Variants in ADAM22 observed in about 807,000 individuals in gnomAD.
The protein encoded by ADAM22 is disintegrin and metalloproteinase domain-containing protein 22.
In ADAM22, 65 loss-of-function variants were observed where a neutral mutation model predicts 144.6. That is an observed-to-expected ratio of 0.45 (90% confidence interval 0.37 to 0.55). The LOEUF is 0.55. Among genes scored for constraint, ADAM22 ranks in the 20% least tolerant of loss-of-function variants. The pLI, the probability that ADAM22 is intolerant of heterozygous loss-of-function variation, is 0.00. For synonymous variants in ADAM22, 391 were observed against 412.6 expected, an observed-to-expected ratio of 0.95 and a Z score of 0.63; for missense variants, 974 against 1,184.9, an observed-to-expected ratio of 0.82 and a Z score of 2.61.
intron 3 of ADAM22, among the ~76,000 whole-genome samples, chr7:88,064,666 A>T (rs1324134567): frequency 6.6e-6 from 1 of 152,178 alleles, no homozygotes; most frequent in Non-Finnish European, 1.5e-5. Context: ...CGTGGCAGAC[A>T]GGATAGAAGG....
rs114808979 is a variant in ADAM22 at position 88,190,835 on chromosome 7, A to G, written c.2751-2281A>G. Among the ~76,000 whole-genome samples the G allele has an allele frequency of 3.8e-3, 577 of 151,864 alleles. 4 individuals are homozygous for G. Among genetic ancestry groups the G allele is most frequent in the African/African-American group, 0.013 (559 of 41,414 alleles). ...TGGTGCTCTCCATCTTCCCAAAATA[A>G]TCACTTTTATGCTGTCACATACCAC... On this transcript the variant is annotated intron_variant, in intron 30 of 31. Coordinates refer to ENST00000413139, the MANE Select transcript of ADAM22 (RefSeq NM_001324418.2).
intron 3 of ADAM22, among the ~76,000 whole-genome samples, chr7:88,067,423 G>A (rs1051453052): frequency 6.7e-6 from 1 of 150,222 alleles, no homozygotes; most frequent in African/African-American, 2.5e-5. Flanking sequence ...CAGTCCCCGA[G>A]TACCTTGGCT....
chr7:88,186,446 C>T (rs1848333239), intron 29 of ADAM22, 169 bp from the exon 30 acceptor site: 1 of 643,150 alleles, frequency 1.6e-6, no homozygotes. Flanking sequence ...TGAGATTATT[C>T]TCATGTCATT....
intron 7 of ADAM22, among the ~76,000 whole-genome samples, chr7:88,121,754 G>C (rs187637766): frequency 3.4e-4 from 52 of 152,268 alleles, no homozygotes; most frequent in African/African-American, 1.1e-3. Context: ...GGAAGCCACA[G>C]TCTTTTTGTT....
At chr7:87,961,280 A>G (rs1315160226) in intron 2 of ADAM22, among the ~76,000 whole-genome samples, 2 of 152,196 alleles carry the variant, frequency 1.3e-5, no homozygotes, top group Non-Finnish European at 2.9e-5. Context: ...TCAAATATGA[A>G]TAACAAGATG....
At chr7:88,164,688 G>A (rs1039654510) in intron 23 of ADAM22, among the ~76,000 whole-genome samples, 2 of 152,042 alleles carry the variant, frequency 1.3e-5, no homozygotes, top group Non-Finnish European at 2.9e-5. Flanking sequence ...TTAAAGAATT[G>A]TGCGAAGAAG....
intron 4 of ADAM22, among the ~76,000 whole-genome samples, chr7:88,080,479 C>T (rs138114082): frequency 0.024 from 3,683 of 151,992 alleles, 157 homozygotes; most frequent in African/African-American, 0.084. Flanking sequence ...TAGCAGAAGG[C>T]AAGAAATAAC....
Position 88,075,766 on chromosome 7 carries a change from T to C in ADAM22, c.390+74T>C, listed in dbSNP as rs1320582934. The C allele has an allele frequency of 2.7e-6, 3 of 1,109,610 alleles. No individual in the cohort carries two copies. In the East Asian group the frequency reaches 7.5e-5, roughly 28 times the overall value. 68.7% of individuals were successfully genotyped at this position (1,109,610 alleles called of 1,614,324 possible). On this transcript the variant is annotated intron_variant, in intron 4 of 31. Transcript: ENST00000413139. ...ATACTACTGATTATTATTTTAATTTTCAATGATATTTCTAATGTACAGTTT... is the reference window on the plus strand; with the variant it reads ...ATACTACTGATTATTATTTTAATTTCCAATGATATTTCTAATGTACAGTTT...
intron 30 of ADAM22, among the ~76,000 whole-genome samples, chr7:88,192,173 G>T (rs1849759277): frequency 6.6e-6 from 1 of 152,190 alleles, no homozygotes; most frequent in Non-Finnish European, 1.5e-5. Flanking sequence ...TTGCTATAAG[G>T]TGGCAGTGTA....
intron 29 of ADAM22, chr7:88,186,207 G>T: frequency 4.6e-6 from 1 of 215,756 alleles, no homozygotes; most frequent in Non-Finnish European, 9.1e-6. Context: ...ATGCCAGATT[G>T]GAATTGCAGC....
chr7:88,163,287 A>G (rs1842184685), intron 23 of ADAM22, 107 bp downstream of exon 23: 1 of 934,666 alleles, frequency 1.1e-6, no homozygotes, highest in South Asian at 2.5e-5. Context: ...GATTTTTCAT[A>G]TTTCTAGTTG....
chr7:88,053,006 A>T (rs556834631), intron 3 of ADAM22, among the ~76,000 whole-genome samples: 1 of 152,182 alleles, frequency 6.6e-6, no homozygotes, highest in Non-Finnish European at 1.5e-5. Context: ...GGGTATAGGT[A>T]CAGAATTTTA....
intron 3 of ADAM22, among the ~76,000 whole-genome samples, chr7:87,991,699 A>C (rs1018348770): frequency 6.6e-5 from 10 of 152,180 alleles, no homozygotes; most frequent in African/African-American, 2.4e-4. Context: ...TTGAACCAAC[A>C]CACAAATCAG....
chr7:88,194,008 A>T (rs554151802), intron 31 of ADAM22, among the ~76,000 whole-genome samples: 1 of 152,326 alleles, frequency 6.6e-6, no homozygotes, highest in South Asian at 2.1e-4. Flanking sequence ...TTACCATTAT[A>T]TGTTAATATG....
chr7:87,961,788 T>C (rs1848046211), intron 2 of ADAM22, among the ~76,000 whole-genome samples: 1 of 152,058 alleles, frequency 6.6e-6, no homozygotes, highest in Non-Finnish European at 1.5e-5. Context: ...TAAGACAGAG[T>C]TTTGTTAGTG....
chr7:88,083,485 T>C (rs1440049567), intron 4 of ADAM22, among the ~76,000 whole-genome samples: 1 of 151,954 alleles, frequency 6.6e-6, no homozygotes, highest in Admixed American at 6.6e-5. Flanking sequence ...ACTTAAAGTA[T>C]ATAAAAAAAA....
Position 88,127,239 on chromosome 7 carries a change from C to T in ADAM22, c.679-1363C>T, listed in dbSNP as rs900383934. On this transcript the variant is annotated intron_variant, in intron 8 of 31. Transcript: ENST00000413139. ...TAGGACAATATTCTTTTGACATGTA[C>T]CCTGAAGTTCCTCATAAACATCTCA... 2.0e-5 allele frequency among the ~76,000 whole-genome samples: 3 copies of T among 151,818 alleles called. No individual in the cohort carries two copies. In the South Asian group the frequency reaches 6.2e-4, roughly 32 times the overall value.
chr7:88,084,489 C>T (rs569769003), intron 4 of ADAM22, among the ~76,000 whole-genome samples: 37 of 152,144 alleles, frequency 2.4e-4, no homozygotes, highest in South Asian at 2.1e-4. Flanking sequence ...TCAAAATTCT[C>T]CTCTGGGTTT....
chr7:88,194,867 A>C (rs1586675287), intron 31 of ADAM22, among the ~76,000 whole-genome samples: 1 of 152,138 alleles, frequency 6.6e-6, no homozygotes, highest in African/African-American at 2.4e-5. Context: ...AGATCCTCAC[A>C]GTTCAGATAT....
Sources: gnomAD v4.1 joint callset for allele counts (sites outside exome capture counted in the v4.1 genomes callset) on GRCh38, gnomAD v4.1.1 for gene constraint, MANE v1.5 for transcripts, NCBI Gene and HGNC (gene_info 2026-07-23, HGNC 2026-07-21) for gene names.